Variants in PCYT1B observed in about 807,000 individuals in gnomAD.
PCYT1B encodes choline-phosphate cytidylyltransferase B.
In PCYT1B, 10 loss-of-function variants were observed where a neutral mutation model predicts 26.4. That is an observed-to-expected ratio of 0.38 (90% CI 0.23 to 0.64). The LOEUF is 0.64. Among genes scored for constraint, PCYT1B ranks in the 30% least tolerant of loss-of-function variants. The pLI is 0.56. For synonymous variants in PCYT1B, 131 were observed against 108.4 expected, an observed-to-expected ratio of 1.21 and a Z score of -1.29; for missense variants, 161 against 292.7, an observed-to-expected ratio of 0.55 and a Z score of 3.28.
rs755474214 is a variant in PCYT1B, at chrX:24,575,252, T to G, written c.775A>C (p.Arg259=). 2.5e-5 allele frequency: 30 copies of G among 1,206,047 alleles called. 1 individual carries two copies. In the South Asian group the frequency reaches 5.1e-4, roughly 21 times the overall value. ...ACTCTGTTCACAAATTCCTTTGATC[T>G]TTCCTCCACATTCTTGACTTTTTCC... is the stretch of plus-strand genomic sequence containing the variant. ...MKEKVKNVEE[R]SKEFVNRVEE... The change falls in exon 7 of 8, where the codon AGA becomes CGA. Residue 259 remains arginine, a synonymous_variant. Coordinates refer to ENST00000379144, the MANE Select transcript of PCYT1B (RefSeq NM_004845.5).
rs1473734910 is a variant in PCYT1B at position 24,560,508 on chromosome X, C to G, written c.*1785G>C. On this transcript the variant is annotated 3_prime_UTR_variant, in exon 8 of 8. Transcript: ENST00000379144. ...CTTCACATGCCATGTTCCTGCCAGC[C>G]CTCTGTCCCATATGAGTGCTTCCCA... 8.9e-6 allele frequency: 1 copy of G among 112,114 alleles called. No homozygotes were observed. Among genetic ancestry groups the G allele is most frequent in the Non-Finnish European group, 1.9e-5 (1 of 53,170 alleles). The allele number at this position is 112,114 out of a possible 1,213,427, so 9.2% of individuals were successfully genotyped here. A position where few individuals can be genotyped will look rare whatever the true frequency, so the allele number is the denominator to read the frequency against.
In PCYT1B at chrX:24,560,067, G is replaced by A. The variant is rs1923349196; in HGVS notation, c.*2226C>T. The A allele has an allele frequency of 8.9e-6, 1 of 112,072 alleles. No individual in the cohort carries two copies. The highest frequency in any genetic ancestry group is 9.4e-5 in the Admixed American group (1 of 10,593). 9.2% of individuals were successfully genotyped at this position (112,072 alleles called of 1,213,427 possible). On this transcript the variant is annotated 3_prime_UTR_variant, in exon 8 of 8. Transcript: ENST00000379144. Reference sequence around the variant, plus strand: ...CCTGTCAGTATGGCGTGTAAGGCCTGCAAATGTATAGTCAGCCTGATACAC... The same window carrying A: ...CCTGTCAGTATGGCGTGTAAGGCCTACAAATGTATAGTCAGCCTGATACAC...
intron 1 of PCYT1B, among the ~76,000 whole-genome samples, chrX:24,620,828 C>T (rs1205303270): frequency 8.9e-6 from 1 of 112,077 alleles, no homozygotes; most frequent in Admixed American, 9.5e-5. Flanking sequence ...CTTGGCTGCT[C>T]TCTGCACATG....
In PCYT1B at chrX:24,590,118, C is replaced by T. The variant is rs1924508423; in HGVS notation, c.391G>A (p.Glu131Lys). 1 of 1,208,424 alleles carries T rather than the reference C, an allele frequency of 8.3e-7. No individual in the cohort carries two copies. Among genetic ancestry groups the T allele is most frequent in the Non-Finnish European group, 1.1e-6 (1 of 892,848 alleles). The change falls in exon 4 of 8, where the codon GAG (glutamate) becomes AAG (lysine). Residue 131 changes from glutamate to lysine, a missense_variant. By Grantham distance (56) the Glu-to-Lys change is moderately conservative. Coordinates refer to ENST00000379144, the MANE Select transcript of PCYT1B (RefSeq NM_004845.5). Reference protein sequence around the residue: ...FKGFTVMNEAERYEALRHCRY... With the variant: ...FKGFTVMNEAKRYEALRHCRY... Reference sequence around the variant, plus strand: ...CAGTGTCTGAGAGCTTCGTATCTCTCGGCTTCATTCATCACGGTGAAACCT... The same window carrying T: ...CAGTGTCTGAGAGCTTCGTATCTCTTGGCTTCATTCATCACGGTGAAACCT...
Position 24,580,439 on chromosome X carries a change from T to A in PCYT1B, c.566-981A>T, listed in dbSNP as rs1924170705. On this transcript the variant is annotated intron_variant, in intron 5 of 7. Coordinates refer to ENST00000379144, the MANE Select transcript of PCYT1B (RefSeq NM_004845.5). ...AAAAGTGTACTATTTGTGTCGTCTC[T>A]GATCTAAAGGCATGCCTGTAGGGAT... Among the ~76,000 whole-genome samples, 3 of 112,213 alleles carry A rather than the reference T, an allele frequency of 2.7e-5. No individual in the cohort carries two copies. In the South Asian group the frequency reaches 1.1e-3, roughly 41 times the overall value.
At chrX:24,570,381 G>A (rs939854400) in intron 7 of PCYT1B, among the ~76,000 whole-genome samples, 30 of 107,452 alleles carry the variant, frequency 2.8e-4, no homozygotes, top group Admixed American at 3.0e-4. Context: ...AGCCTCCCGA[G>A]TAGCTGGGAT....
rs746504559 is a variant in PCYT1B, at chrX:24,613,615, T to C, written c.217+5370A>G. ...AAACAGATAATACAAACTTCCTTTTTGAAAAGGAAAGTAGAAAATCAGAAC... is the reference window on the plus strand; with the variant it reads ...AAACAGATAATACAAACTTCCTTTTCGAAAAGGAAAGTAGAAAATCAGAAC... On this transcript the variant is annotated intron_variant, in intron 2 of 7. Transcript: ENST00000379144. Among the ~76,000 whole-genome samples the C allele has an allele frequency of 3.6e-5, 4 of 111,282 alleles. No individual in the cohort carries two copies. The East Asian group carries it at 1.1e-3, about 31-fold the overall frequency.
At chrX:24,646,336 G>A (rs1358048648) in intron 1 of PCYT1B, among the ~76,000 whole-genome samples, 5 of 111,443 alleles carry the variant, frequency 4.5e-5, no homozygotes, top group African/African-American at 1.6e-4. Context: ...CATTCTTAAA[G>A]GCATGCAACC....
intron 1 of PCYT1B, among the ~76,000 whole-genome samples, chrX:24,629,732 T>G (rs771313632): frequency 7.8e-4 from 86 of 110,020 alleles, no homozygotes; most frequent in African/African-American, 2.8e-3. Context: ...GAATTTTTAT[T>G]ATGCCCTGGA....
upstream of PCYT1B, chrX:24,672,803 G>A (rs1422350579): frequency 2.4e-6 from 1 of 416,646 alleles, no homozygotes; most frequent in African/African-American, 2.5e-5. Context: ...TGTTGAATAA[G>A]GAGAGATTTG....
intron 1 of PCYT1B, among the ~76,000 whole-genome samples, chrX:24,666,260 C>A (rs1008610539): frequency 9.0e-6 from 1 of 110,981 alleles, no homozygotes; most frequent in African/African-American, 3.3e-5. Context: ...TCCTTTCACT[C>A]ATTCTACAGA....
chrX:24,613,675 G>A (rs1045052638), intron 2 of PCYT1B, among the ~76,000 whole-genome samples: 7 of 110,607 alleles, frequency 6.3e-5, no homozygotes, highest in African/African-American at 2.0e-4. Flanking sequence ...GTTTAGGGCC[G>A]GGTACAGTGG....
At chrX:24,580,352 T>C (rs1053191021) in intron 5 of PCYT1B, among the ~76,000 whole-genome samples, 5 of 112,037 alleles carry the variant, frequency 4.5e-5, no homozygotes. Flanking sequence ...ATGAATTAGA[T>C]CACAGCAACT....
chrX:24,579,306 G>A lies in PCYT1B; in HGVS notation c.708+10C>T. 8.3e-7 allele frequency: 1 copy of A among 1,207,457 alleles called. No homozygotes were observed. Among genetic ancestry groups the A allele is most frequent in the Non-Finnish European group, 1.1e-6 (1 of 892,503 alleles). On this transcript the variant is annotated intron_variant, in intron 6 of 7. Coordinates refer to ENST00000379144, the MANE Select transcript of PCYT1B (RefSeq NM_004845.5). ...GGTGGTCTTCAGAGGGTTTGAGGTG[G>A]CATGCTTACATTTATAAAGCTGACA...
At chrX:24,632,216 T>TTCTC (rs1222489820) in intron 1 of PCYT1B, 3 of 112,921 alleles carry the variant, frequency 2.7e-5, no homozygotes, top group African/African-American at 9.7e-5. Context: ...AGTGGCTTCT[T>TTCTC]TCTCAGTATA....
rs1371572722 is a variant in PCYT1B at position 24,560,629 on chromosome X, G to C, written c.*1664C>G. On this transcript the variant is annotated 3_prime_UTR_variant, in exon 8 of 8. Transcript: ENST00000379144. ...CAGCAGACAGCACTCATCTCCAAGTGGATAGGGAGGTAGTTCAACCCCAAC... is the reference window on the plus strand; with the variant it reads ...CAGCAGACAGCACTCATCTCCAAGTCGATAGGGAGGTAGTTCAACCCCAAC... The C allele has an allele frequency of 9.0e-6, 1 of 111,640 alleles. No homozygotes were observed. Among genetic ancestry groups the C allele is most frequent in the Non-Finnish European group, 1.9e-5 (1 of 53,051 alleles). 9.2% of individuals were successfully genotyped at this position (111,640 alleles called of 1,213,427 possible).
rs12845774 is a variant in PCYT1B at position 24,561,985 on chromosome X, G to A, written c.*308C>T. 23 of 862,303 alleles carry A rather than the reference G, an allele frequency of 2.7e-5. No homozygotes were observed. Among genetic ancestry groups the A allele is most frequent in the Non-Finnish European group, 3.9e-5 (23 of 591,667 alleles). 71.1% of individuals were successfully genotyped at this position (862,303 alleles called of 1,213,427 possible). ...TGGGGGTGGTGGAAGGACCAAAGCA[G>A]AAGTCACCCCATCAGTGCAAGTCTC... On this transcript the variant is annotated 3_prime_UTR_variant, in exon 8 of 8. Coordinates refer to ENST00000379144, the MANE Select transcript of PCYT1B (RefSeq NM_004845.5).
At chrX:24,638,857 G>C (rs749452075) in intron 1 of PCYT1B, among the ~76,000 whole-genome samples, 3 of 112,198 alleles carry the variant, frequency 2.7e-5, no homozygotes, top group Non-Finnish European at 5.6e-5. Flanking sequence ...GTATGAAATA[G>C]ATAAATTAGG....
chrX:24,616,900 G>A (rs1366415611), intron 2 of PCYT1B, among the ~76,000 whole-genome samples: 1 of 112,258 alleles, frequency 8.9e-6, no homozygotes, highest in African/African-American at 3.2e-5. Context: ...AGGAAGCACA[G>A]TGTCATGGTT....
Sources: allele counts gnomAD v4.1 joint callset (sites outside exome capture counted in the v4.1 genomes callset), GRCh38; gene constraint gnomAD v4.1.1; transcripts MANE v1.5; gene names NCBI Gene and HGNC (gene_info 2026-07-23, HGNC 2026-07-21).